The following HOXD12 variants were observed in gnomAD, a reference collection of about 807,000 sequenced individuals.
The protein encoded by HOXD12 is homeobox protein Hox-D12.
A neutral mutation model predicts 20.2 loss-of-function variants in HOXD12; 21 were observed. That is an observed-to-expected ratio of 1.04 (90% CI 0.74 to 1.50). The LOEUF (loss-of-function observed/expected upper bound fraction) is 1.50. HOXD12 is among the 40% of genes most tolerant of loss of function. The probability of loss-of-function intolerance (pLI) is 0.00; values close to 1 mark genes in which losing one functional copy is unlikely to be tolerated. For missense variants in HOXD12, 472 were observed against 365.5 expected (o/e 1.29, Z -2.38); for synonymous variants, 196 against 168.8 (o/e 1.16, Z -1.25).
At position 176,102,171 on chromosome 2, in the gene HOXD12, T is replaced by C. The variant is rs753648035; in HGVS notation, c.*1411T>C. 6.6e-6 allele frequency among the ~76,000 whole-genome samples: 1 copy of C among 152,176 alleles called. No homozygotes were observed. The highest frequency in any genetic ancestry group is 6.5e-5 in the Admixed American group (1 of 15,284). On this transcript the variant is annotated 3_prime_UTR_variant, in exon 2 of 2. Transcript: ENST00000406506. ...TATCCCTGCCTCTTCTCCCCTCTCC[T>C]TCTGACATGTAGCACTCCTCCTTCG...
chr2:176,101,678 T>C lies in HOXD12; in HGVS notation c.*918T>C, dbSNP rs962250864. ...TCTGTTGCACAGGGAGAGGGAAAAA[T>C]ATCCAGGGGAGGAGAAGGGAGTGAA... On this transcript the variant is annotated 3_prime_UTR_variant, in exon 2 of 2. Coordinates refer to ENST00000406506, the MANE Select transcript of HOXD12 (RefSeq NM_021193.4). Among the ~76,000 whole-genome samples the C allele has an allele frequency of 2.6e-5, 4 of 152,016 alleles. No individual in the cohort carries two copies. Among genetic ancestry groups the C allele is most frequent in the Non-Finnish European group, 5.9e-5 (4 of 67,982 alleles).
chr2:176,100,423 G>A, intron 1 of HOXD12, 48 bp downstream of exon 1: 1 of 1,605,788 alleles, frequency 6.2e-7, no homozygotes, highest in Non-Finnish European at 8.5e-7. Context: ...GGGATGGGAG[G>A]TGGGGTTCAA....
chr2:176,102,186 C>T lies in HOXD12; in HGVS notation c.*1426C>T, dbSNP rs1165729510. On this transcript the variant is annotated 3_prime_UTR_variant, in exon 2 of 2. Coordinates refer to ENST00000406506, the MANE Select transcript of HOXD12 (RefSeq NM_021193.4). ...TCCCCTCTCCTTCTGACATGTAGCA[C>T]TCCTCCTTCGCAATTCCTAGCATGA... Among the ~76,000 whole-genome samples the T allele has an allele frequency of 6.6e-6, 1 of 152,180 alleles. No homozygotes were observed. Among genetic ancestry groups the T allele is most frequent in the East Asian group, 1.9e-4 (1 of 5,192 alleles).
chr2:176,101,205 G>A lies in HOXD12; in HGVS notation c.*445G>A. ...TCCTGAGGGAATGGAAAGGACTGTGGGTACAATTAGGTCTCTGCAGCAGAA... is the reference window on the plus strand; with the variant it reads ...TCCTGAGGGAATGGAAAGGACTGTGAGTACAATTAGGTCTCTGCAGCAGAA... On this transcript the variant is annotated 3_prime_UTR_variant, in exon 2 of 2. Transcript: ENST00000406506. The A allele has an allele frequency of 5.1e-6, 1 of 194,576 alleles. No individual in the cohort carries two copies. Among genetic ancestry groups the A allele is most frequent in the Non-Finnish European group, 1.1e-5 (1 of 94,240 alleles). The allele number at this position is 194,576 out of a possible 1,614,324, so 12.1% of individuals were successfully genotyped here.
At position 176,099,901 on chromosome 2, in the gene HOXD12, G is replaced by T. The variant is rs370358369; in HGVS notation, c.100G>T (p.Gly34Cys). The T allele has an allele frequency of 1.3e-6, 2 of 1,593,912 alleles. No homozygotes were observed. The highest frequency in any genetic ancestry group is 2.3e-5 in the East Asian group (1 of 42,652). Residue 34 changes from glycine to cysteine, a missense_variant, in exon 1 of 2, where the codon GGC (glycine) becomes TGC (cysteine). Transcript: ENST00000406506. ...CTTCTCCAACCTGAGGCCGAATGGC[G>T]GCCAGTTGGCCGCGCTTCCCCCTAT... ...FYFSNLRPNG[G>C]QLAALPPISY...
rs1027279082 is a variant in HOXD12, at chr2:176,102,031, G to A, written c.*1271G>A. Among the ~76,000 whole-genome samples the A allele has an allele frequency of 9.9e-5, 15 of 152,226 alleles. No homozygotes were observed. The highest frequency in any genetic ancestry group is 3.1e-4 in the African/African-American group (13 of 41,454). On this transcript the variant is annotated 3_prime_UTR_variant, in exon 2 of 2. Coordinates refer to ENST00000406506, the MANE Select transcript of HOXD12 (RefSeq NM_021193.4). ...GACTTTAAGGCCCTGGGCCCTGCCA[G>A]GCTTGCCTCATGGAGGCAGGGGTTC...
intron 1 of HOXD12, 70 bp downstream of exon 1, chr2:176,100,445 AG>A: frequency 6.3e-7 from 1 of 1,595,346 alleles, no homozygotes; most frequent in Non-Finnish European, 8.6e-7. Context: ...GGAGAGTGTA[AG>A]GGGAGGTGAA....
rs1043102748 is a variant in HOXD12 at position 176,101,882 on chromosome 2, C to T, written c.*1122C>T. Among the ~76,000 whole-genome samples the T allele has an allele frequency of 6.6e-6, 1 of 152,234 alleles. No individual in the cohort carries two copies. Among genetic ancestry groups the T allele is most frequent in the Non-Finnish European group, 1.5e-5 (1 of 68,040 alleles). ...GAAGTCTCTTAGATTCTCTGCCCCG[C>T]TAGCTGCTCTTGACAAAGCAAAGAG... On this transcript the variant is annotated 3_prime_UTR_variant, in exon 2 of 2. Transcript: ENST00000406506.
rs1689497527 is a variant in HOXD12 at position 176,101,707 on chromosome 2, G to A, written c.*947G>A. On this transcript the variant is annotated 3_prime_UTR_variant, in exon 2 of 2. Coordinates refer to ENST00000406506, the MANE Select transcript of HOXD12 (RefSeq NM_021193.4). The stretch of plus-strand genomic sequence containing the variant: ...CAGGGGAGGAGAAGGGAGTGAATAA[G>A]AGGAGGAGGGGTGCTGCACTCCAAC... Among the ~76,000 whole-genome samples, 1 of 152,226 alleles carries A rather than the reference G, an allele frequency of 6.6e-6. No individual in the cohort carries two copies. Among genetic ancestry groups the A allele is most frequent in the South Asian group, 2.1e-4 (1 of 4,834 alleles).
chr2:176,100,715 G>T lies in HOXD12; in HGVS notation c.768G>T (p.Lys256Asn). Residue 256 changes from lysine to asparagine, a missense_variant, in exon 2 of 2, where the codon AAG (lysine) becomes AAT (asparagine). Transcript: ENST00000406506. ...TCTGGTTCCAGAACAGGCGTATGAA[G>T]AAGAAGCGCGTGGTGCTTCGGGAGC... ...VKIWFQNRRM[K>N]KKRVVLREQA... 1 of 1,613,980 alleles carries T rather than the reference G, an allele frequency of 6.2e-7. No individual in the cohort carries two copies. The highest frequency in any genetic ancestry group is 8.5e-7 in the Non-Finnish European group (1 of 1,179,868).
In HOXD12 at chr2:176,100,940, A is replaced by G. The variant is rs1689486382; in HGVS notation, c.*180A>G. 3.3e-6 allele frequency: 2 copies of G among 607,222 alleles called. No homozygotes were observed. Among genetic ancestry groups the G allele is most frequent in the Admixed American group, 2.9e-5 (1 of 34,038 alleles). The allele number at this position is 607,222 out of a possible 1,614,324, so 37.6% of individuals were successfully genotyped here. A position where few individuals can be genotyped will look rare whatever the true frequency, so the allele number is the denominator to read the frequency against. ...GCCTCCTTGCTTTCCTCAGTCCCTG[A>G]GAAGCCCGTGAGAAACGTGCGGAAG... On this transcript the variant is annotated 3_prime_UTR_variant, in exon 2 of 2. Transcript: ENST00000406506.
chr2:176,100,559 G>T lies in HOXD12; in HGVS notation c.612G>T (p.Lys204Asn), dbSNP rs1689480286. 6.2e-7 allele frequency: 1 copy of T among 1,610,824 alleles called. No individual in the cohort carries two copies. The highest frequency in any genetic ancestry group is 8.5e-7 in the Non-Finnish European group (1 of 1,178,586). The change falls in exon 2 of 2, where the codon AAG becomes AAT. Residue 204 changes from lysine (K) to asparagine (N), a missense_variant. By Grantham distance (94) the Lys-to-Asn change is moderately conservative (BLOSUM62 0). Transcript: ENST00000406506. ...GGGCGGCCCCGGGGAGGGCCCGCAAGAAGCGGAAACCCTACACGAAGCAGC... is the reference window on the plus strand; with the variant it reads ...GGGCGGCCCCGGGGAGGGCCCGCAATAAGCGGAAACCCTACACGAAGCAGC... ...PWGAAPGRAR[K>N]KRKPYTKQQI...
Position 176,100,774 on chromosome 2 carries a change from C to T in HOXD12, c.*14C>T. 1 of 1,587,940 alleles carries T rather than the reference C, an allele frequency of 6.3e-7. No individual in the cohort carries two copies. Among genetic ancestry groups the T allele is most frequent in the South Asian group, 1.1e-5 (1 of 89,796 alleles). On this transcript the variant is annotated 3_prime_UTR_variant, in exon 2 of 2. Transcript: ENST00000406506. ...GCGCTCTACTAGCCGCGCGCGTGGC[C>T]AGGGCCGGGTTGGATCTGCCCTTTT... is the stretch of plus-strand genomic sequence containing the variant.
chr2:176,099,944 C>T lies in HOXD12; in HGVS notation c.143C>T (p.Ala48Val). The T allele has an allele frequency of 6.3e-7, 1 of 1,595,640 alleles. No individual in the cohort carries two copies. Among genetic ancestry groups the T allele is most frequent in the Non-Finnish European group, 8.5e-7 (1 of 1,173,600 alleles). Residue 48 changes from alanine (A) to valine (V), a missense_variant, in exon 1 of 2, where the codon GCG becomes GTG. Transcript: ENST00000406506. Reference protein sequence around the residue: ...ALPPISYPRGALPWAATPASC... With the variant: ...ALPPISYPRGVLPWAATPASC... ...CCCCCTATCTCCTACCCGCGCGGCG[C>T]GCTGCCCTGGGCCGCCACGCCCGCC...
Position 176,099,918 on chromosome 2 carries a change from T to TC in HOXD12, c.122dup (p.Ile42TyrfsTer58). On this transcript the variant is annotated frameshift_variant, in exon 1 of 2. Coordinates refer to ENST00000406506, the MANE Select transcript of HOXD12 (RefSeq NM_021193.4). LOFTEE classifies it high-confidence loss of function. ...CGAATGGCGGCCAGTTGGCCGCGCT[T>TC]CCCCCTATCTCCTACCCGCGCGGCG... is the stretch of plus-strand genomic sequence containing the variant. 6.3e-7 allele frequency: 1 copy of TC among 1,593,304 alleles called. No homozygotes were observed.
Position 176,100,151 on chromosome 2 carries a change from C to T in HOXD12, c.350C>T (p.Pro117Leu), listed in dbSNP as rs756331057. ...AGPEERGRTR[P>L]SFAPESSLAP... ...CCAGAGGAGCGCGGTCGTACCCGGC[C>T]GTCCTTCGCCCCCGAGTCTAGCCTG... The change falls in exon 1 of 2, where the codon CCG becomes CTG. Residue 117 changes from proline (P) to leucine (L), a missense_variant. Coordinates refer to ENST00000406506, the MANE Select transcript of HOXD12 (RefSeq NM_021193.4). The T allele has an allele frequency of 3.1e-6, 5 of 1,611,698 alleles. No individual in the cohort carries two copies. Among genetic ancestry groups the T allele is most frequent in the East Asian group, 4.5e-5 (2 of 44,872 alleles).
At position 176,101,862 on chromosome 2, in the gene HOXD12, C is replaced by A. The variant is rs1328256754; in HGVS notation, c.*1102C>A. Reference sequence around the variant, plus strand: ...AGAGTCAAGGGGAGGGGAAGGAAGTCTCTTAGATTCTCTGCCCCGCTAGCT... The same window carrying A: ...AGAGTCAAGGGGAGGGGAAGGAAGTATCTTAGATTCTCTGCCCCGCTAGCT... On this transcript the variant is annotated 3_prime_UTR_variant, in exon 2 of 2. Transcript: ENST00000406506. 6.6e-6 allele frequency among the ~76,000 whole-genome samples: 1 copy of A among 152,206 alleles called. No individual in the cohort carries two copies. Among genetic ancestry groups the A allele is most frequent in the Non-Finnish European group, 1.5e-5 (1 of 68,032 alleles).
In HOXD12 at chr2:176,100,827, A is replaced by G; in HGVS notation, c.*67A>G. The G allele has an allele frequency of 9.4e-7, 1 of 1,068,536 alleles. No individual in the cohort carries two copies. The highest frequency in any genetic ancestry group is 1.4e-6 in the Non-Finnish European group (1 of 706,054). The allele number at this position is 1,068,536 out of a possible 1,614,324, so 66.2% of individuals were successfully genotyped here. Reference sequence around the variant, plus strand: ...ACAGAGGCCTTGTTTGGGGAGGGGGATCTGGGGCTAAGGCTAAGGCTTTTC... The same window carrying G: ...ACAGAGGCCTTGTTTGGGGAGGGGGGTCTGGGGCTAAGGCTAAGGCTTTTC... On this transcript the variant is annotated 3_prime_UTR_variant, in exon 2 of 2. Coordinates refer to ENST00000406506, the MANE Select transcript of HOXD12 (RefSeq NM_021193.4).
In HOXD12 at chr2:176,101,117, C is replaced by T. The variant is rs974676481; in HGVS notation, c.*357C>T. The T allele has an allele frequency of 5.5e-6, 2 of 365,206 alleles. No homozygotes were observed. Among genetic ancestry groups the T allele is most frequent in the Non-Finnish European group, 1.0e-5 (2 of 197,764 alleles). The allele number at this position is 365,206 out of a possible 1,614,324, so 22.6% of individuals were successfully genotyped here. On this transcript the variant is annotated 3_prime_UTR_variant, in exon 2 of 2. Transcript: ENST00000406506. ...TTTCCACCCAATTCGTTCTCCCTTT[C>T]CCCCTCTCTCCAGCCCCTTCAGCGT...
Sources: gnomAD v4.1 joint callset for allele counts (sites outside exome capture counted in the v4.1 genomes callset) on GRCh38, gnomAD v4.1.1 for gene constraint, MANE v1.5 for transcripts, NCBI Gene and HGNC (gene_info 2026-07-23, HGNC 2026-07-21) for gene names.